The following PLA2G6 variants were observed in gnomAD, a reference collection of about 807,000 sequenced individuals.
PLA2G6 encodes the protein 85/88 kDa calcium-independent phospholipase A2.
Under a neutral mutation model 83.8 loss-of-function variants are expected in PLA2G6, and 62 were observed. The ratio of observed to expected loss-of-function variants is 0.74; its 90% CI spans 0.60 to 0.91. The LOEUF (loss-of-function observed/expected upper bound fraction) is 0.91, where lower values mean the gene tolerates loss of function less well. PLA2G6 is among the 40% of genes least tolerant of loss of function. The probability of loss-of-function intolerance (pLI) is 0.00; values close to 1 mark genes in which losing one functional copy is unlikely to be tolerated. For synonymous variants in PLA2G6, 417 were observed against 449.8 expected (o/e 0.93, Z 0.92); for missense variants, 944 against 1,102.0 (o/e 0.86, Z 2.03).
Position 38,129,456 on chromosome 22 carries a change from C to G in PLA2G6, c.1184G>C (p.Arg395Thr). ...GCCCCAGAGTGCAGAGCACATACGT[C>G]TGCCGATTTTGGAGGCTAGGAATGT... The part of the protein sequence containing the change: ...TPTFLASKIG[R>T]LVTRKAILTL... Residue 395 changes from arginine to threonine, a missense_variant and splice_region_variant, in exon 8 of 17, where the codon AGA (arginine) becomes ACA (threonine). Coordinates refer to ENST00000332509, the MANE Select transcript of PLA2G6 (RefSeq NM_003560.4). The G allele has an allele frequency of 6.2e-7, 1 of 1,606,260 alleles. No homozygotes were observed. The highest frequency in any genetic ancestry group is 8.5e-7 in the Non-Finnish European group (1 of 1,172,840).
chr22:38,175,996 T>A (rs1419358173), intron 1 of PLA2G6, among the ~76,000 whole-genome samples: 1 of 152,112 alleles, frequency 6.6e-6, no homozygotes, highest in African/African-American at 2.4e-5. Flanking sequence ...GACCACACAC[T>A]GTTCCCACCC....
chr22:38,145,314 C>T (rs1468084165), intron 3 of PLA2G6, 124 bp downstream of exon 3: 13 of 832,026 alleles, frequency 1.6e-5, no homozygotes, highest in Non-Finnish European at 2.2e-5. Flanking sequence ...CGTTAGTGAG[C>T]GACCATGCCA....
intron 2 of PLA2G6, among the ~76,000 whole-genome samples, chr22:38,167,166 T>G (rs2090249371): frequency 1.4e-5 from 2 of 146,804 alleles, no homozygotes; most frequent in Admixed American, 1.4e-4. Context: ...AGGCGGAGCT[T>G]GCAGTAAGCC....
In PLA2G6 at chr22:38,156,680, C is replaced by G. The variant is rs1270038185; in HGVS notation, c.210-11027G>C. On this transcript the variant is annotated intron_variant, in intron 2 of 16. Coordinates refer to ENST00000332509, the MANE Select transcript of PLA2G6 (RefSeq NM_003560.4). ...GTGTTAGCCAGGATGGTCTCGATCT[C>G]CTGACCTCGTGATCTGCCTGCCTCG... Among the ~76,000 whole-genome samples, 4 of 152,190 alleles carry G rather than the reference C, an allele frequency of 2.6e-5. 1 individual carries two copies. In the South Asian group the frequency reaches 8.3e-4, roughly 32 times the overall value.
chr22:38,170,239 T>C (rs2090386938), intron 1 of PLA2G6, among the ~76,000 whole-genome samples: 1 of 150,538 alleles, frequency 6.6e-6, no homozygotes. Flanking sequence ...TCATTTCACT[T>C]CCGCAAACAA....
In PLA2G6 at chr22:38,113,498, C is replaced by T; in HGVS notation, c.2191G>A (p.Val731Met). 6.2e-7 allele frequency: 1 copy of T among 1,614,066 alleles called. No homozygotes were observed. The highest frequency in any genetic ancestry group is 8.5e-7 in the Non-Finnish European group (1 of 1,180,018). Residue 731 changes from valine to methionine, a missense_variant, in exon 15 of 17, where the codon GTG (valine) becomes ATG (methionine). Val to Met is a conservative substitution (Grantham distance 21, BLOSUM62 1). Transcript: ENST00000332509. The part of the protein sequence containing the change: ...VFGAKELGKM[V>M]VDCCTDPDGR... Reference sequence around the variant, plus strand: ...GGGCCCACACTCACACAGTCCACCACCATCTTGCCCAGTTCCTTGGCCCCA... The same window carrying T: ...GGGCCCACACTCACACAGTCCACCATCATCTTGCCCAGTTCCTTGGCCCCA...
At chr22:38,142,872 G>A (rs1195737504) in intron 4 of PLA2G6, 4 of 603,894 alleles carry the variant, frequency 6.6e-6, no homozygotes, top group Non-Finnish European at 1.2e-5. Context: ...TTGCTGGGTT[G>A]GAGGCCGTCC....
chr22:38,155,233 A>T (rs1448809954), intron 2 of PLA2G6, among the ~76,000 whole-genome samples: 2 of 152,152 alleles, frequency 1.3e-5, no homozygotes, highest in Non-Finnish European at 2.9e-5. Context: ...TCTCAAAAAA[A>T]AAAAAAAGAA....
chr22:38,116,992 G>A (rs1260607591), intron 12 of PLA2G6, among the ~76,000 whole-genome samples: 3 of 151,058 alleles, frequency 2.0e-5, no homozygotes, highest in Non-Finnish European at 2.9e-5. Flanking sequence ...TAGAAACCCC[G>A]AGTGGTCAGT....
At chr22:38,135,129 G>GCTCA in intron 5 of PLA2G6, 45 bp from the exon 6 acceptor site, 2 of 1,341,950 alleles carry the variant, frequency 1.5e-6, no homozygotes, top group Non-Finnish European at 2.1e-6. Context: ...GCTAGGGTCT[G>GCTCA]CGTGGCGTGG....
chr22:38,133,368 A>C, intron 6 of PLA2G6: 1 of 324,118 alleles, frequency 3.1e-6, no homozygotes. Context: ...CAAAGGTATC[A>C]CCTCTCACTG....
At chr22:38,152,500 C>A (rs1253398796) in intron 2 of PLA2G6, among the ~76,000 whole-genome samples, 5 of 152,118 alleles carry the variant, frequency 3.3e-5, no homozygotes, top group Admixed American at 2.6e-4. Flanking sequence ...AGCCACTGTG[C>A]CTGGCCCGTG....
At chr22:38,135,469 C>T (rs781082663) in intron 5 of PLA2G6, 3 of 256,606 alleles carry the variant, frequency 1.2e-5, no homozygotes, top group African/African-American at 2.2e-5. Flanking sequence ...AGTTCTGTGC[C>T]TGGCACACAG....
chr22:38,137,508 G>A (rs1484684813), intron 5 of PLA2G6: 2 of 152,180 alleles, frequency 1.3e-5, no homozygotes, highest in African/African-American at 4.8e-5. Flanking sequence ...GGCACAAACC[G>A]AGCTTTGTGG....
At chr22:38,144,177 C>T (rs1285942885) in intron 3 of PLA2G6, 2 of 152,668 alleles carry the variant, frequency 1.3e-5, no homozygotes, top group East Asian at 1.9e-4. Context: ...AGTGCCCTCA[C>T]CAGGGGCAAC....
chr22:38,167,222 T>C (rs899386490), intron 2 of PLA2G6, among the ~76,000 whole-genome samples: 4 of 118,672 alleles, frequency 3.4e-5, no homozygotes, highest in Admixed American at 8.6e-5. Context: ...AGCGAGACTC[T>C]GTCTCAAAAA....
chr22:38,129,687 C>A, intron 7 of PLA2G6, 125 bp from the exon 8 acceptor site: 3 of 730,814 alleles, frequency 4.1e-6, no homozygotes, highest in Non-Finnish European at 5.0e-6. Flanking sequence ...CGGGGAGACA[C>A]TGGAACCCTC....
At chr22:38,168,675 C>A (rs978379893) in intron 2 of PLA2G6, among the ~76,000 whole-genome samples, 2 of 152,302 alleles carry the variant, frequency 1.3e-5, no homozygotes, top group Admixed American at 6.5e-5. Flanking sequence ...TATGATGAAA[C>A]CCCGTCTCTG....
intron 11 of PLA2G6, among the ~76,000 whole-genome samples, chr22:38,122,522 G>A (rs1486634632): frequency 1.3e-5 from 2 of 152,192 alleles, no homozygotes; most frequent in Non-Finnish European, 2.9e-5. Flanking sequence ...AGTGCCCTGT[G>A]GCCTAGGAGG....
Sources: gnomAD v4.1 joint callset for allele counts (sites outside exome capture counted in the v4.1 genomes callset) on GRCh38, gnomAD v4.1.1 for gene constraint, MANE v1.5 for transcripts, NCBI Gene and HGNC (gene_info 2026-07-23, HGNC 2026-07-21) for gene names.